CLCA4: variants seen among roughly 807,000 people sequenced by gnomAD.
CLCA4 encodes the protein calcium-activated chloride channel regulator 4.
A neutral mutation model predicts 78.9 loss-of-function variants in CLCA4; 69 were observed. The ratio of observed to expected loss-of-function variants is 0.87; its 90% confidence interval spans 0.72 to 1.07. The LOEUF is 1.07. Ranked by LOEUF, CLCA4 falls within the 50% of genes least tolerant of loss-of-function variation. CLCA4 has a pLI of 0.00. For missense variants in CLCA4, 1,133 were observed against 1,095.8 expected (o/e 1.03, Z -0.48); for synonymous variants, 362 against 375.8 (o/e 0.96, Z 0.42).
chr1:86,565,230 TA>T, intron 4 of CLCA4, 43 bp from the exon 5 acceptor site: 1 of 1,386,916 alleles, frequency 7.2e-7, no homozygotes, highest in Non-Finnish European at 9.9e-7. Flanking sequence ...CTGTAAGTGC[TA>T]ATGATTCAGT....
chr1:86,559,981 GA>G lies in CLCA4; in HGVS notation c.210del (p.Arg70SerfsTer10), dbSNP rs778613678. On this transcript the variant is annotated frameshift_variant, in exon 2 of 14. Coordinates refer to ENST00000370563, the MANE Select transcript of CLCA4 (RefSeq NM_012128.4). LOFTEE classifies it high-confidence loss of function. ...TACCTGTTTGAAGCCACAGAAAAAAGATTTTTTTTCAAAAATGTATCTATAT... is the reference window on the plus strand; with the variant it reads ...TACCTGTTTGAAGCCACAGAAAAAAGTTTTTTTTCAAAAATGTATCTATAT... ...STYLFEATEK[R>X]FFFKNVSILI... 52 of 1,607,280 alleles carry G rather than the reference GA, an allele frequency of 3.2e-5. No homozygotes were observed. The highest frequency in any genetic ancestry group is 4.4e-5 in the Non-Finnish European group (52 of 1,176,694).
At chr1:86,559,843 C>G in intron 1 of CLCA4, 89 bp from the exon 2 acceptor site, 1 of 1,044,186 alleles carries the variant, frequency 9.6e-7, no homozygotes, top group Non-Finnish European at 1.4e-6. Flanking sequence ...TCTGTCCACT[C>G]TTAAGTTGGG....
chr1:86,579,297 AATT>A, intron 12 of CLCA4, 54 bp from the exon 13 acceptor site: 1 of 1,254,588 alleles, frequency 8.0e-7, no homozygotes, highest in East Asian at 2.3e-5. Context: ...TGATTCACTG[AATT>A]ATAATAAATA....
At chr1:86,570,910 C>A (rs1019669944) in intron 7 of CLCA4, among the ~76,000 whole-genome samples, 167 bp from the exon 8 acceptor site, 37 of 152,074 alleles carry the variant, frequency 2.4e-4, no homozygotes, top group African/African-American at 8.0e-4. Flanking sequence ...TCATGTTTAA[C>A]TTTCCCCAAG....
At chr1:86,578,171 T>C (rs1312423013) in intron 12 of CLCA4, 99 bp downstream of exon 12, 1 of 1,069,304 alleles carries the variant, frequency 9.4e-7, no homozygotes, top group African/African-American at 1.6e-5. Context: ...ACTCAAAATA[T>C]AGCTTTTCCC....
At chr1:86,575,131 T>C (rs972536922) in intron 10 of CLCA4, among the ~76,000 whole-genome samples, 4 of 152,040 alleles carry the variant, frequency 2.6e-5, no homozygotes, top group African/African-American at 9.7e-5. Context: ...CCAATTGAGA[T>C]GTAGCGAAGT....
intron 7 of CLCA4, among the ~76,000 whole-genome samples, chr1:86,568,763 C>T (rs2101809310): frequency 6.6e-6 from 1 of 152,096 alleles, no homozygotes; most frequent in South Asian, 2.1e-4. Flanking sequence ...TTTCTCCCAA[C>T]TCTGCATGTT....
Position 86,575,479 on chromosome 1 carries a change from A to G in CLCA4, c.1831A>G (p.Met611Val), listed in dbSNP as rs749608050. Residue 611 changes from methionine (M) to valine (V), a missense_variant, in exon 11 of 14, where the codon ATG (methionine) becomes GTG (valine). Transcript: ENST00000370563. ...NKDVNSFPSP[M>V]IVYAEILQGY... ...GGACGTAAACAGTTTCCCCAGCCCAATGATTGTTTACGCAGAAATTCTACA... is the reference window on the plus strand; with the variant it reads ...GGACGTAAACAGTTTCCCCAGCCCAGTGATTGTTTACGCAGAAATTCTACA... 128 of 1,613,412 alleles carry G rather than the reference A, an allele frequency of 7.9e-5. 4 individuals carry two copies. In the South Asian group the frequency reaches 1.2e-3, roughly 15 times the overall value.
Position 86,547,129 on chromosome 1 carries a change from T to C in CLCA4, c.10T>C (p.Phe4Leu), listed in dbSNP as rs762801573. The C allele has an allele frequency of 6.2e-7, 1 of 1,605,220 alleles. No individual in the cohort carries two copies. Among genetic ancestry groups the C allele is most frequent in the Non-Finnish European group, 8.5e-7 (1 of 1,177,880 alleles). The change falls in exon 1 of 14, where the codon TTC becomes CTC. Residue 4 changes from phenylalanine (F) to leucine (L), a missense_variant. Physicochemically the swap from Phe to Leu is conservative, Grantham distance 22. Transcript: ENST00000370563. MGLFRGFVFLLVLC... is the reference protein window; with the variant it reads MGLLRGFVFLLVLC... ...TAACTAGAGAGGAACAATGGGGTTA[T>C]TCAGAGGTTTTGTTTTCCTCTTAGT...
rs374639762 is a variant in CLCA4 at position 86,554,968 on chromosome 1, G to C, written c.160-4964G>C. 2.6e-5 allele frequency among the ~76,000 whole-genome samples: 4 copies of C among 151,742 alleles called. No individual in the cohort carries two copies. The East Asian group carries it at 5.8e-4, about 22-fold the overall frequency. On this transcript the variant is annotated intron_variant, in intron 1 of 13. Coordinates refer to ENST00000370563, the MANE Select transcript of CLCA4 (RefSeq NM_012128.4). ...TTTCTTTAATGATCAGTGATACTGA[G>C]CTTTTTTTCACTTGCTTGTTGGCCA...
At chr1:86,567,697 G>A (rs773663091) in intron 7 of CLCA4, 46 bp downstream of exon 7, 2 of 1,502,430 alleles carry the variant, frequency 1.3e-6, no homozygotes, top group Non-Finnish European at 1.8e-6. Context: ...TTTCTTTTCA[G>A]GACATTTTCA....
chr1:86,555,696 A>T (rs1308658748), intron 1 of CLCA4, among the ~76,000 whole-genome samples: 1 of 152,114 alleles, frequency 6.6e-6, no homozygotes, highest in South Asian at 2.1e-4. Context: ...TTTTTATTCC[A>T]TATGAATTTT....
chr1:86,560,769 G>T (rs995776387), intron 3 of CLCA4, among the ~76,000 whole-genome samples: 1 of 152,204 alleles, frequency 6.6e-6, no homozygotes, highest in Non-Finnish European at 1.5e-5. Context: ...AAGCTGGAAA[G>T]AGTCATGTTG....
chr1:86,552,553 C>A, intron 1 of CLCA4: 1 of 545,284 alleles, frequency 1.8e-6, no homozygotes, highest in South Asian at 2.2e-5. Flanking sequence ...CAGGCGCACC[C>A]TCTACGGGAG....
At chr1:86,557,662 T>C (rs1309842902) in intron 1 of CLCA4, among the ~76,000 whole-genome samples, 2 of 152,182 alleles carry the variant, frequency 1.3e-5, no homozygotes, top group Non-Finnish European at 2.9e-5. Flanking sequence ...GTATGTGCCA[T>C]GTGGTGATGA....
rs771153307 is a variant in CLCA4, at chr1:86,567,500, T to TG, written c.1035dup (p.Met346AspfsTer5). 1.2e-6 allele frequency: 2 copies of TG among 1,613,212 alleles called. No homozygotes were observed. Among genetic ancestry groups the TG allele is most frequent in the Non-Finnish European group, 1.7e-6 (2 of 1,179,404 alleles). On this transcript the variant is annotated frameshift_variant, in exon 7 of 14. Coordinates refer to ENST00000370563, the MANE Select transcript of CLCA4 (RefSeq NM_012128.4). LOFTEE classifies it high-confidence loss of function. The stretch of plus-strand genomic sequence containing the variant: ...CAGACTGTTGAAAATGGATCCTGGG[T>TG]GGGGATGGTTCACTTTGATAGTACT...
In CLCA4 at chr1:86,579,246, C is replaced by T. The variant is rs1358833162; in HGVS notation, c.2123-108C>T. Reference sequence around the variant, plus strand: ...GTCACAAAACTTAGTAAAAATGTGACTGTATATATTTTTTTAGAAGGAAAA... The same window carrying T: ...GTCACAAAACTTAGTAAAAATGTGATTGTATATATTTTTTTAGAAGGAAAA... On this transcript the variant is annotated intron_variant, in intron 12 of 13. Transcript: ENST00000370563. The T allele has an allele frequency of 5.0e-6, 4 of 798,630 alleles. No homozygotes were observed. In the African/African-American group the frequency reaches 5.2e-5, roughly 10 times the overall value. The allele number at this position is 798,630 out of a possible 1,614,324, so 49.5% of individuals were successfully genotyped here.
In CLCA4 at chr1:86,574,657, A is replaced by C; in HGVS notation, c.1585A>C (p.Ser529Arg). 1 of 1,613,346 alleles carries C rather than the reference A, an allele frequency of 6.2e-7. No homozygotes were observed. Among genetic ancestry groups the C allele is most frequent in the Non-Finnish European group, 8.5e-7 (1 of 1,179,514 alleles). Residue 529 changes from serine (S) to arginine (R), a missense_variant, in exon 10 of 14, where the codon AGT becomes CGT. Transcript: ENST00000370563. ...CATCACATGGAACAGTCTGCCTCCCAGTATTTCTCTCTGGGATCCCAGTGG... is the reference window on the plus strand; with the variant it reads ...CATCACATGGAACAGTCTGCCTCCCCGTATTTCTCTCTGGGATCCCAGTGG... ...FLITWNSLPP[S>R]ISLWDPSGTI...
chr1:86,568,564 T>C (rs1050023647), intron 7 of CLCA4, among the ~76,000 whole-genome samples: 5 of 151,814 alleles, frequency 3.3e-5, no homozygotes, highest in Admixed American at 6.6e-5. Flanking sequence ...CAGTCTGATA[T>C]TACTAAAAAG....
Sources: allele counts gnomAD v4.1 joint callset (sites outside exome capture counted in the v4.1 genomes callset), GRCh38; gene constraint gnomAD v4.1.1; transcripts MANE v1.5; gene names NCBI Gene and HGNC (gene_info 2026-07-23, HGNC 2026-07-21).